Variants in PPP6R2 observed in about 807,000 individuals in gnomAD.
PPP6R2 encodes the protein serine/threonine-protein phosphatase 6 regulatory subunit 2.
A neutral mutation model predicts 100.2 loss-of-function variants in PPP6R2; 62 were observed. The observed-to-expected ratio is 0.62, with a 90% CI of 0.50 to 0.76. PPP6R2 has a LOEUF of 0.76. Among genes scored for constraint, PPP6R2 ranks in the 30% least tolerant of loss-of-function variants. The pLI is 0.00. For synonymous variants in PPP6R2, 525 were observed against 514.7 expected (o/e 1.02, Z -0.27); for missense variants, 1,142 against 1,276.3 (o/e 0.89, Z 1.60).
chr22:50,371,650 T>A (rs1344734150), intron 1 of PPP6R2, among the ~76,000 whole-genome samples: 1 of 151,934 alleles, frequency 6.6e-6, no homozygotes, highest in East Asian at 1.9e-4. Flanking sequence ...TGTAATTGCT[T>A]TTTTTTGAGA....
chr22:50,381,317 CA>C lies in PPP6R2; in HGVS notation c.-17+9168del, dbSNP rs2052921258. ...CCTCAGCACCACACGGGCCCCACCT[CA>C]GCATCACACGGGCCTCACCTCAGCA... On this transcript the variant is annotated intron_variant, in intron 2 of 23. Transcript: ENST00000612753. 1.1e-4 allele frequency among the ~76,000 whole-genome samples: 10 copies of C among 94,406 alleles called. 1 individual carries two copies. The highest frequency in any genetic ancestry group is 2.0e-4 in the Admixed American group (2 of 10,098). 61.9% of individuals were successfully genotyped at this position (94,406 alleles called of 152,430 possible). A position where few individuals can be genotyped will look rare whatever the true frequency, so the allele number is the denominator to read the frequency against.
intron 1 of PPP6R2, among the ~76,000 whole-genome samples, chr22:50,351,042 T>TG (rs1569254919): frequency 4.8e-5 from 6 of 123,846 alleles, no homozygotes; most frequent in African/African-American, 1.8e-4. Context: ...TTTTTTTTTT[T>TG]TTTTTTTTTT....
upstream of PPP6R2, among the ~76,000 whole-genome samples, chr22:50,341,144 T>C: frequency 6.6e-6 from 1 of 152,104 alleles, no homozygotes. Context: ...TCTCCTGACT[T>C]CAAATGATCC....
intron 1 of PPP6R2, among the ~76,000 whole-genome samples, chr22:50,354,230 A>G (rs904404765): frequency 6.6e-6 from 1 of 152,042 alleles, no homozygotes; most frequent in South Asian, 2.1e-4. Flanking sequence ...ACTTGAACCC[A>G]GAAGGTGGAG....
In PPP6R2 at chr22:50,444,425, A is replaced by T; in HGVS notation, c.*178A>T. The T allele has an allele frequency of 2.6e-6, 2 of 781,284 alleles. No homozygotes were observed. Among genetic ancestry groups the T allele is most frequent in the Non-Finnish European group, 3.9e-6 (2 of 506,848 alleles). The allele number at this position is 781,284 out of a possible 1,614,324, so 48.4% of individuals were successfully genotyped here. On this transcript the variant is annotated 3_prime_UTR_variant, in exon 24 of 24. Coordinates refer to ENST00000612753, the MANE Select transcript of PPP6R2 (RefSeq NM_001242898.2). ...GCCCAGCTTGCGTCTCTTCTGCCTG[A>T]GTGGGCCTCTCAGGTCACTCGTGCC...
intron 4 of PPP6R2, among the ~76,000 whole-genome samples, chr22:50,408,140 G>A (rs990527191): frequency 1.3e-5 from 2 of 152,130 alleles, no homozygotes; most frequent in African/African-American, 4.8e-5. Flanking sequence ...GCCTGCCCAG[G>A]CCTCCCAAAG....
Position 50,444,450 on chromosome 22 carries a change from C to CCCT in PPP6R2, c.*204_*205insCTC. The CCCT allele has an allele frequency of 4.7e-6, 3 of 632,674 alleles. No individual in the cohort carries two copies. Among genetic ancestry groups the CCCT allele is most frequent in the Non-Finnish European group, 7.7e-6 (3 of 388,346 alleles). The allele number at this position is 632,674 out of a possible 1,614,324, so 39.2% of individuals were successfully genotyped here. A position where few individuals can be genotyped will look rare whatever the true frequency, so the allele number is the denominator to read the frequency against. ...AGTGGGCCTCTCAGGTCACTCGTGC[C>CCCT]CTGCTGGAGGACAGAGGGGCACCTC... On this transcript the variant is annotated 3_prime_UTR_variant, in exon 24 of 24. Transcript: ENST00000612753.
intron 1 of PPP6R2, among the ~76,000 whole-genome samples, chr22:50,355,576 AGT>A (rs1295798813): frequency 7.0e-6 from 1 of 143,334 alleles, no homozygotes; most frequent in African/African-American, 2.6e-5. Flanking sequence ...GCTGGAGTGC[AGT>A]GGTGCGATCT....
Position 50,406,720 on chromosome 22 carries a change from T to C in PPP6R2, c.259T>C (p.Cys87Arg), listed in dbSNP as rs759324175. The change falls in exon 4 of 24, where the codon TGT becomes CGT. Residue 87 changes from cysteine to arginine, a missense_variant. This residue lies in a region of PPP6R2 where 592 missense variants were observed against 758.9 expected (regional missense o/e 0.78). Coordinates refer to ENST00000612753, the MANE Select transcript of PPP6R2 (RefSeq NM_001242898.2). Reference protein sequence around the residue: ...YPNTACELLTCDVPQISDRLG... With the variant: ...YPNTACELLTRDVPQISDRLG... ...AAACACAGCCTGTGAGCTTCTGACT[T>C]GTGATGTGCCGCAGATCAGCGACCG... 6.2e-7 allele frequency: 1 copy of C among 1,613,916 alleles called. No homozygotes were observed. Among genetic ancestry groups the C allele is most frequent in the East Asian group, 2.2e-5 (1 of 44,886 alleles).
At chr22:50,388,179 A>G (rs7285132) in intron 2 of PPP6R2, among the ~76,000 whole-genome samples, 1 of 141,824 alleles carries the variant, frequency 7.1e-6, no homozygotes, top group Non-Finnish European at 1.6e-5. Context: ...TTTTAGGATT[A>G]AAAAAAAAAA....
chr22:50,437,969 C>T (rs1160400872), intron 17 of PPP6R2, 69 bp downstream of exon 17: 6 of 1,554,072 alleles, frequency 3.9e-6, no homozygotes, highest in South Asian at 1.1e-5. Flanking sequence ...GCCCATGGCT[C>T]GGTCTGTCAT....
chr22:50,367,742 C>A (rs1393068679), intron 1 of PPP6R2, among the ~76,000 whole-genome samples: 1 of 152,064 alleles, frequency 6.6e-6, no homozygotes, highest in Non-Finnish European at 1.5e-5. Context: ...GTGTAGGGTC[C>A]AGCCCTACAG....
At chr22:50,436,331 T>A in intron 13 of PPP6R2, 36 bp from the exon 14 acceptor site, 1 of 1,544,882 alleles carries the variant, frequency 6.5e-7, no homozygotes. Context: ...CTGCACGGGG[T>A]CTCCCAGGGC....
Position 50,352,752 on chromosome 22 carries a change from A to C in PPP6R2, c.-148+9202A>C, listed in dbSNP as rs551954066. ...ACAAAAACAAAAACAAAAAAAAAAA[A>C]CACACAAAACAACAACAACGTAACT... On this transcript the variant is annotated intron_variant, in intron 1 of 23. Transcript: ENST00000612753. Among the ~76,000 whole-genome samples the C allele has an allele frequency of 9.0e-4, 135 of 149,378 alleles. 1 individual carries two copies. The highest frequency in any genetic ancestry group is 2.4e-3 in the African/African-American group (100 of 41,142).
chr22:50,415,240 G>A (rs948835323), intron 5 of PPP6R2, among the ~76,000 whole-genome samples: 3 of 152,204 alleles, frequency 2.0e-5, no homozygotes, highest in Non-Finnish European at 1.5e-5. Context: ...CTCACTGTTC[G>A]GCCAGCTTTG....
intron 10 of PPP6R2, among the ~76,000 whole-genome samples, chr22:50,424,440 C>T (rs1406836592): frequency 1.0e-5 from 1 of 99,900 alleles, no homozygotes; most frequent in Non-Finnish European, 2.0e-5. Flanking sequence ...AAGGTCCGTC[C>T]GCGTGTGGAA....
chr22:50,358,990 G>GGCCC (rs2047181298), intron 1 of PPP6R2, among the ~76,000 whole-genome samples: 2 of 42,668 alleles, frequency 4.7e-5, no homozygotes, highest in Non-Finnish European at 7.8e-5. Context: ...TAAAAGAACC[G>GGCCC]CCCCCCCCCC....
intron 1 of PPP6R2, among the ~76,000 whole-genome samples, chr22:50,356,347 G>A (rs931348147): frequency 7.0e-6 from 1 of 143,750 alleles, no homozygotes; most frequent in Non-Finnish European, 1.5e-5. Context: ...CTGTCATCTC[G>A]GCTGGAATGC....
chr22:50,355,824 C>T (rs2046413832), intron 1 of PPP6R2, among the ~76,000 whole-genome samples: 1 of 150,834 alleles, frequency 6.6e-6, no homozygotes, highest in East Asian at 1.9e-4. Context: ...CCTGGCACAG[C>T]CTTATTCTTT....
Sources: allele counts gnomAD v4.1 joint callset (sites outside exome capture counted in the v4.1 genomes callset), GRCh38; gene constraint gnomAD v4.1.1; regional missense constraint gnomAD v4.1.1; transcripts MANE v1.5; gene names NCBI Gene and HGNC (gene_info 2026-07-23, HGNC 2026-07-21).